GABBR2: variants seen among roughly 807,000 people sequenced by gnomAD.
GABBR2 encodes the protein gamma-aminobutyric acid type B receptor subunit 2.
GABBR2 carries 23 observed loss-of-function variants against 105.6 expected under a neutral mutation model. The ratio of observed to expected loss-of-function variants is 0.22; its 90% CI spans 0.16 to 0.31. The LOEUF (loss-of-function observed/expected upper bound fraction) is 0.31. GABBR2 is among the 10% of genes least tolerant of loss of function. GABBR2 has a pLI of 1.00. For missense variants in GABBR2, 734 were observed against 1,245.5 expected, an observed-to-expected ratio of 0.59 and a Z score of 6.18; for synonymous variants, 478 against 499.7, an observed-to-expected ratio of 0.96 and a Z score of 0.58.
At chr9:98,641,380 C>T (rs1347877371) in intron 1 of GABBR2, among the ~76,000 whole-genome samples, 4 of 151,510 alleles carry the variant, frequency 2.6e-5, no homozygotes, top group African/African-American at 7.3e-5. Flanking sequence ...TCAGGTGATC[C>T]GCCCACCTCG....
chr9:98,322,617 C>T lies in GABBR2; in HGVS notation c.1894-11412G>A, dbSNP rs184821265. Among the ~76,000 whole-genome samples, 121 of 149,748 alleles carry T rather than the reference C, an allele frequency of 8.1e-4. 1 individual carries two copies. The East Asian group carries it at 0.023, about 29-fold the overall frequency. ...CTCCATGATCTGACCCCCCCATACC[C>T]GTCCAGCCTTGTTCCCCATCCCCCA... is the stretch of plus-strand genomic sequence containing the variant. On this transcript the variant is annotated intron_variant, in intron 13 of 18. Transcript: ENST00000259455.
At chr9:98,705,228 C>T (rs188157132) in intron 1 of GABBR2, among the ~76,000 whole-genome samples, 1 of 152,170 alleles carries the variant, frequency 6.6e-6, no homozygotes, top group African/African-American at 2.4e-5. Flanking sequence ...TGGTGTTACA[C>T]CAGAGAAGCA....
chr9:98,695,446 T>C (rs1158545936), intron 1 of GABBR2, among the ~76,000 whole-genome samples: 1 of 152,128 alleles, frequency 6.6e-6, no homozygotes, highest in African/African-American at 2.4e-5. Context: ...GCACCTCAAA[T>C]CCTTCCAGAA....
chr9:98,448,427 A>T (rs2131596062), intron 7 of GABBR2, among the ~76,000 whole-genome samples: 1 of 152,240 alleles, frequency 6.6e-6, no homozygotes, highest in East Asian at 1.9e-4. Flanking sequence ...GAGTCTATTA[A>T]TTTATTTTAT....
chr9:98,543,715 T>C (rs560776576), intron 2 of GABBR2, among the ~76,000 whole-genome samples: 1 of 152,352 alleles, frequency 6.6e-6, no homozygotes, highest in Admixed American at 6.5e-5. Flanking sequence ...TCACATTTTT[T>C]GCTTGTTTTC....
intron 13 of GABBR2, among the ~76,000 whole-genome samples, chr9:98,330,383 A>T (rs1374956170): frequency 1.3e-5 from 2 of 152,252 alleles, no homozygotes; most frequent in Admixed American, 1.3e-4. Flanking sequence ...CATATTTCAT[A>T]CATGGAGGAG....
intron 1 of GABBR2, among the ~76,000 whole-genome samples, chr9:98,661,237 A>C (rs1453765198): frequency 6.6e-6 from 1 of 152,022 alleles, no homozygotes; most frequent in East Asian, 1.9e-4. Flanking sequence ...ACATCTTCAA[A>C]CTCCCTTTTG....
At chr9:98,680,705 G>T (rs949575743) in intron 1 of GABBR2, among the ~76,000 whole-genome samples, 5 of 152,158 alleles carry the variant, frequency 3.3e-5, no homozygotes, top group African/African-American at 1.2e-4. Context: ...CAAAGAGAAG[G>T]TTCATCATGG....
chr9:98,535,867 G>T (rs941557877), intron 3 of GABBR2, among the ~76,000 whole-genome samples: 6 of 152,188 alleles, frequency 3.9e-5, no homozygotes, highest in African/African-American at 1.4e-4. Flanking sequence ...AGGACTTTTA[G>T]GGTGGTGAAA....
intron 7 of GABBR2, among the ~76,000 whole-genome samples, chr9:98,447,533 A>ATGTGTGTG (rs777181645): frequency 9.5e-6 from 1 of 105,072 alleles, no homozygotes; most frequent in South Asian, 3.2e-4. Flanking sequence ...TGTAACTAGT[A>ATGTGTGTG]TGTATGTGTG....
At chr9:98,367,007 A>C (rs898510846) in intron 12 of GABBR2, among the ~76,000 whole-genome samples, 2 of 152,224 alleles carry the variant, frequency 1.3e-5, no homozygotes, top group Non-Finnish European at 2.9e-5. Flanking sequence ...AAGATTTTAC[A>C]ATTGGTCTTT....
chr9:98,575,992 A>G (rs1379315079), intron 2 of GABBR2, among the ~76,000 whole-genome samples: 1 of 152,090 alleles, frequency 6.6e-6, no homozygotes, highest in African/African-American at 2.4e-5. Flanking sequence ...AGCTTCATGC[A>G]CCTACCATAG....
At chr9:98,678,256 T>C (rs1360231826) in intron 1 of GABBR2, among the ~76,000 whole-genome samples, 1 of 152,242 alleles carries the variant, frequency 6.6e-6, no homozygotes, top group Non-Finnish European at 1.5e-5. Context: ...GTTTTCATCC[T>C]GCTTTAGAAC....
intron 9 of GABBR2, among the ~76,000 whole-genome samples, chr9:98,392,183 C>A (rs567311154): frequency 1.1e-4 from 17 of 152,302 alleles, no homozygotes; most frequent in East Asian, 7.7e-4. Context: ...TGGGCATCAC[C>A]AATGAAGACC....
At chr9:98,386,004 G>A (rs1832065797) in intron 10 of GABBR2, among the ~76,000 whole-genome samples, 1 of 152,228 alleles carries the variant, frequency 6.6e-6, no homozygotes, top group East Asian at 1.9e-4. Flanking sequence ...CCCTTACAGA[G>A]AAATAATGAA....
chr9:98,681,861 T>A (rs1830552329), intron 1 of GABBR2, among the ~76,000 whole-genome samples: 1 of 152,204 alleles, frequency 6.6e-6, no homozygotes, highest in Non-Finnish European at 1.5e-5. Context: ...CTTGCAGGAC[T>A]TTCTAAGCAT....
rs1160423987 is a variant in GABBR2, at chr9:98,547,112, C to T, written c.460-5069G>A. On this transcript the variant is annotated intron_variant, in intron 2 of 18. Transcript: ENST00000259455. ...TTCATTTGTAGGTACCCAGTTTCCT[C>T]TACCTGGAAGCCTGAAAGATTTTTT... is the stretch of plus-strand genomic sequence containing the variant. 3.4e-5 allele frequency among the ~76,000 whole-genome samples: 4 copies of T among 118,614 alleles called. 2 individuals carry two copies. The highest frequency in any genetic ancestry group is 7.5e-5 in the Non-Finnish European group (4 of 53,378). The allele number at this position is 118,614 out of a possible 152,430, so 77.8% of individuals were successfully genotyped here.
chr9:98,429,100 TAAA>T (rs377274217), intron 7 of GABBR2, among the ~76,000 whole-genome samples: 1 of 151,112 alleles, frequency 6.6e-6, no homozygotes, highest in African/African-American at 2.4e-5. Context: ...ATGATTAAAT[TAAA>T]AACTCACCCA....
chr9:98,558,912 C>T (rs10986744), intron 2 of GABBR2, among the ~76,000 whole-genome samples: 10,828 of 152,238 alleles, frequency 0.071, 774 homozygotes, highest in African/African-American at 0.18. Flanking sequence ...TTCGTAGAAA[C>T]TGAAAACAAG....
Sources: allele counts gnomAD v4.1 joint callset (sites outside exome capture counted in the v4.1 genomes callset), GRCh38; gene constraint gnomAD v4.1.1; transcripts MANE v1.5; gene names NCBI Gene and HGNC (gene_info 2026-07-23, HGNC 2026-07-21).